DGKB: variants seen among roughly 807,000 people sequenced by gnomAD.
The protein encoded by DGKB is 90 kDa diacylglycerol kinase.
DGKB carries 67 observed loss-of-function variants against 114.3 expected under a neutral mutation model. The ratio of observed to expected loss-of-function variants is 0.59; its 90% CI spans 0.48 to 0.72. The LOEUF (loss-of-function observed/expected upper bound fraction) is 0.72. Ranked by LOEUF, DGKB falls within the 30% of genes least tolerant of loss-of-function variation. The pLI is 0.00. For synonymous variants in DGKB, 398 were observed against 323.1 expected, an observed-to-expected ratio of 1.23 and a Z score of -2.49; for missense variants, 907 against 975.2, an observed-to-expected ratio of 0.93 and a Z score of 0.93.
chr7:14,775,166 A>G (rs1018407003), intron 2 of DGKB, among the ~76,000 whole-genome samples: 6 of 151,802 alleles, frequency 4.0e-5, no homozygotes, highest in African/African-American at 1.5e-4. Flanking sequence ...ATTACATGGC[A>G]TTTTGAAGCT....
intron 20 of DGKB, among the ~76,000 whole-genome samples, chr7:14,557,708 T>C (rs1796072161): frequency 6.6e-6 from 1 of 151,996 alleles, no homozygotes; most frequent in African/African-American, 2.4e-5. Flanking sequence ...TTTTCCATTT[T>C]TATTTCCATT....
intron 19 of DGKB, among the ~76,000 whole-genome samples, chr7:14,576,412 T>A (rs1186496575): frequency 2.0e-5 from 3 of 151,768 alleles, no homozygotes; most frequent in Non-Finnish European, 4.4e-5. Flanking sequence ...TATACATATA[T>A]ATATTATTTT....
At chr7:14,678,530 G>GGT (rs1384726095) in intron 12 of DGKB, among the ~76,000 whole-genome samples, 1 of 151,952 alleles carries the variant, frequency 6.6e-6, no homozygotes, top group Non-Finnish European at 1.5e-5. Flanking sequence ...TATGGCAGAG[G>GGT]GTGTGTGTAG....
At chr7:14,173,404 T>G (rs945684634) in intron 25 of DGKB, among the ~76,000 whole-genome samples, 2 of 152,208 alleles carry the variant, frequency 1.3e-5, no homozygotes, top group African/African-American at 2.4e-5. Flanking sequence ...TGGCACCAAG[T>G]GCAATCACAT....
At chr7:14,587,214 C>G (rs914004704) in intron 17 of DGKB, among the ~76,000 whole-genome samples, 1 of 151,986 alleles carries the variant, frequency 6.6e-6, no homozygotes, top group Non-Finnish European at 1.5e-5. Flanking sequence ...GATGCCAAGT[C>G]TCATGGATGA....
At chr7:14,189,581 G>A (rs1349518536) in intron 23 of DGKB, among the ~76,000 whole-genome samples, 1 of 151,902 alleles carries the variant, frequency 6.6e-6, no homozygotes, top group African/African-American at 2.4e-5. Flanking sequence ...GAATGTAAAT[G>A]GATTAAATTT....
chr7:14,197,275 T>A (rs996503570), intron 23 of DGKB, among the ~76,000 whole-genome samples: 6 of 152,108 alleles, frequency 3.9e-5, no homozygotes, highest in African/African-American at 1.4e-4. Flanking sequence ...TTATTCTATT[T>A]AGTCGTATTC....
intron 23 of DGKB, among the ~76,000 whole-genome samples, chr7:14,260,719 T>C (rs548127140): frequency 1.3e-5 from 2 of 152,322 alleles, no homozygotes; most frequent in East Asian, 3.9e-4. Context: ...AGCAACCCTT[T>C]TGGTTTAAGT....
At position 14,146,452 on chromosome 7, in the gene DGKB, A is replaced by G. The variant is rs1213613184; in HGVS notation, c.*2679T>C. On this transcript the variant is annotated 3_prime_UTR_variant, in exon 26 of 26. Transcript: ENST00000402815. ...TCCTATATTAAAAGAGGGCGACTCA[A>G]TAGCTGAAAATTTATCTGCACACAT... 2.6e-5 allele frequency: 4 copies of G among 152,194 alleles called. No homozygotes were observed. The highest frequency in any genetic ancestry group is 4.4e-5 in the Non-Finnish European group (3 of 68,032). The allele number at this position is 152,194 out of a possible 1,614,324, so 9.4% of individuals were successfully genotyped here.
intron 23 of DGKB, among the ~76,000 whole-genome samples, chr7:14,287,241 A>G (rs1478793980): frequency 6.6e-6 from 1 of 152,182 alleles, no homozygotes; most frequent in Non-Finnish European, 1.5e-5. Context: ...CTGATTTTAA[A>G]AATTGAAACT....
intron 6 of DGKB, among the ~76,000 whole-genome samples, chr7:14,715,076 C>T (rs1291956746): frequency 6.6e-6 from 1 of 152,026 alleles, no homozygotes; most frequent in East Asian, 1.9e-4. Flanking sequence ...AAAACTGAGT[C>T]CTGAGGAAGT....
Position 14,893,793 on chromosome 7 carries a change from G to A in DGKB, c.-188+8799C>T, listed in dbSNP as rs182205003. ...ATCTAACTCAAATTCTAAATTATCT[G>A]TGATTAATTCCTGAGTCTCTTGTTC... On this transcript the variant is annotated intron_variant, in intron 1 of 25. Transcript: ENST00000402815. Among the ~76,000 whole-genome samples the A allele has an allele frequency of 1.3e-4, 19 of 151,338 alleles. No individual in the cohort carries two copies. In the East Asian group the frequency reaches 3.7e-3, roughly 29 times the overall value.
chr7:14,714,235 G>T (rs1433745638), intron 6 of DGKB, among the ~76,000 whole-genome samples: 2 of 152,024 alleles, frequency 1.3e-5, no homozygotes, highest in African/African-American at 2.4e-5. Context: ...CTGTGGGGAG[G>T]CAGGGGGTTG....
At chr7:14,832,415 G>T (rs563837832) in intron 2 of DGKB, among the ~76,000 whole-genome samples, 1 of 151,870 alleles carries the variant, frequency 6.6e-6, no homozygotes, top group African/African-American at 2.4e-5. Flanking sequence ...GTTTACTTTA[G>T]TTATAATCCT....
intron 9 of DGKB, among the ~76,000 whole-genome samples, chr7:14,689,196 C>CTTTTTTTTTTTTTTTTTTT (rs1554599070): frequency 2.5e-5 from 2 of 80,298 alleles, no homozygotes; most frequent in African/African-American, 4.9e-5. Flanking sequence ...AGAAACTCCT[C>CTTTTTTTTTTTTTTTTTTT]TTATTTTTTT....
upstream of DGKB, among the ~76,000 whole-genome samples, chr7:14,903,529 C>G (rs1332006876): frequency 6.6e-6 from 1 of 152,124 alleles, no homozygotes; most frequent in African/African-American, 2.4e-5. Flanking sequence ...TCTCCCCTCT[C>G]CCTTCTACAA....
At chr7:14,882,349 A>G (rs961581492) in intron 1 of DGKB, among the ~76,000 whole-genome samples, 15 of 152,070 alleles carry the variant, frequency 9.9e-5, no homozygotes, top group African/African-American at 3.4e-4. Context: ...TCACAATAGT[A>G]AAAGGAGAGA....
chr7:14,313,914 C>T (rs930221674), intron 23 of DGKB, among the ~76,000 whole-genome samples: 1 of 152,200 alleles, frequency 6.6e-6, no homozygotes, highest in Non-Finnish European at 1.5e-5. Flanking sequence ...AGTGGTTCTC[C>T]CAGTGCGCAG....
chr7:14,589,912 T>G (rs1194372865), intron 17 of DGKB, among the ~76,000 whole-genome samples: 2 of 150,524 alleles, frequency 1.3e-5, no homozygotes, highest in Non-Finnish European at 3.0e-5. Context: ...TAAAATATGT[T>G]GCAGAGTATT....
Sources: allele counts gnomAD v4.1 joint callset (sites outside exome capture counted in the v4.1 genomes callset), GRCh38; gene constraint gnomAD v4.1.1; transcripts MANE v1.5; gene names NCBI Gene and HGNC (gene_info 2026-07-23, HGNC 2026-07-21).